Variants in RASSF3 observed in about 807,000 individuals in gnomAD.
RASSF3 encodes Ras association domain family member 3.
RASSF3 carries 19 observed loss-of-function variants against 19.9 expected under a neutral mutation model. That is an observed-to-expected ratio of 0.96 (90% CI 0.67 to 1.40). The LOEUF (loss-of-function observed/expected upper bound fraction) is 1.40, where lower values mean the gene tolerates loss of function less well. RASSF3 is among the 40% of genes most tolerant of loss of function. RASSF3 has a pLI of 0.00. For missense variants in RASSF3, 306 were observed against 289.8 expected, an observed-to-expected ratio of 1.06 and a Z score of -0.41; for synonymous variants, 110 against 104.2, an observed-to-expected ratio of 1.06 and a Z score of -0.34.
chr12:64,610,675 T>TTCTTCTTCACCGCCAGGACC lies in RASSF3; in HGVS notation c.46_65dup (p.Phe23SerfsTer48). The TTCTTCTTCACCGCCAGGACC allele has an allele frequency of 6.3e-7, 1 of 1,592,932 alleles. No individual in the cohort carries two copies. The highest frequency in any genetic ancestry group is 8.5e-7 in the Non-Finnish European group (1 of 1,171,900). ...CAGCCTGGAGGAGGACGCCGAGGAC[T>TTCTTCTTCACCGCCAGGACC]TCTTCTTCACCGCCAGGACCTCCTT... On this transcript the variant is annotated frameshift_variant, in exon 1 of 5. Transcript: ENST00000542104. LOFTEE classifies it high-confidence loss of function.
At chr12:64,531,391 C>G (rs1406850569), upstream of RASSF3, among the ~76,000 whole-genome samples, 1 of 152,112 alleles carries the variant, frequency 6.6e-6, no homozygotes, top group Admixed American at 6.6e-5. Flanking sequence ...TCTGAACTCT[C>G]TAGTCTACCT....
intron 1 of RASSF3, among the ~76,000 whole-genome samples, chr12:64,668,646 G>T (rs1872600497): frequency 6.6e-6 from 1 of 151,860 alleles, no homozygotes; most frequent in South Asian, 2.1e-4. Flanking sequence ...GCTTTCAGCA[G>T]GGTGGGACTT....
intron 1 of RASSF3, among the ~76,000 whole-genome samples, chr12:64,634,710 G>A (rs1285329234): frequency 2.8e-5 from 4 of 144,352 alleles, no homozygotes; most frequent in Admixed American, 7.3e-5. Flanking sequence ...ACAGTGAGCC[G>A]AGATGGCACC....
At chr12:64,519,639 T>C (rs761061409) in intron 1 of RASSF3, among the ~76,000 whole-genome samples, 14 of 152,224 alleles carry the variant, frequency 9.2e-5, no homozygotes, top group Non-Finnish European at 1.5e-4. Context: ...TGAATATATA[T>C]ATATACATAC....
chr12:64,619,900 A>G (rs1156540814), intron 1 of RASSF3, among the ~76,000 whole-genome samples: 1 of 151,708 alleles, frequency 6.6e-6, no homozygotes, highest in Non-Finnish European at 1.5e-5. Flanking sequence ...GAATCGCTTG[A>G]ACCTGGGAGG....
chr12:64,634,406 A>G (rs1871261803), intron 1 of RASSF3, among the ~76,000 whole-genome samples: 1 of 151,648 alleles, frequency 6.6e-6, no homozygotes, highest in South Asian at 2.1e-4. Context: ...TCCTGAGCTC[A>G]AGTGATCCTC....
rs182857338 is a variant in RASSF3, at chr12:64,596,439, C to T, written c.294+54734C>T. Among the ~76,000 whole-genome samples, 3 of 152,290 alleles carry T rather than the reference C, an allele frequency of 2.0e-5. No individual in the cohort carries two copies. In the East Asian group the frequency reaches 5.8e-4, roughly 29 times the overall value. ...TTGTGAAGAAAAGAGGTTTATTTGGCTCACAGTTCTGCAGGCTGTACAAGC... is the reference window on the plus strand; with the variant it reads ...TTGTGAAGAAAAGAGGTTTATTTGGTTCACAGTTCTGCAGGCTGTACAAGC... On this transcript the variant is annotated intron_variant, in intron 2 of 5. Transcript: ENST00000637125.
intron 2 of RASSF3, among the ~76,000 whole-genome samples, chr12:64,553,290 A>G (rs1869196549): frequency 6.6e-6 from 1 of 152,238 alleles, no homozygotes; most frequent in Admixed American, 6.5e-5. Flanking sequence ...CAGTTTAAAT[A>G]GGAAGCAAAC....
chr12:64,677,245 T>TC (rs1872941386), intron 1 of RASSF3, among the ~76,000 whole-genome samples: 1 of 152,248 alleles, frequency 6.6e-6, no homozygotes, highest in Non-Finnish European at 1.5e-5. Context: ...ATGTTGCTCC[T>TC]GGCTGCTCTG....
intron 2 of RASSF3, among the ~76,000 whole-genome samples, chr12:64,571,205 C>G (rs1021873643): frequency 1.6e-4 from 24 of 152,004 alleles, no homozygotes; most frequent in African/African-American, 5.5e-4. Flanking sequence ...GAGCAAAACT[C>G]CATCTCAAAA....
chr12:64,631,559 GTA>G, intron 1 of RASSF3, among the ~76,000 whole-genome samples: 1 of 151,834 alleles, frequency 6.6e-6, no homozygotes, highest in South Asian at 2.1e-4. Context: ...ATGTATGTAT[GTA>G]TGTATGTATG....
intron 4 of RASSF3, among the ~76,000 whole-genome samples, chr12:64,692,082 T>C (rs753924520): frequency 5.9e-5 from 9 of 152,176 alleles, no homozygotes; most frequent in Non-Finnish European, 1.3e-4. Context: ...GATTAAGAAA[T>C]TATGTTTCCA....
At chr12:64,656,319 G>C (rs1381341158) in intron 1 of RASSF3, among the ~76,000 whole-genome samples, 1 of 152,134 alleles carries the variant, frequency 6.6e-6, no homozygotes, top group Non-Finnish European at 1.5e-5. Flanking sequence ...ATGGGGCTGT[G>C]ACTACTAGTG....
At chr12:64,558,429 T>G (rs978208826) in intron 2 of RASSF3, among the ~76,000 whole-genome samples, 1 of 152,184 alleles carries the variant, frequency 6.6e-6, no homozygotes, top group Non-Finnish European at 1.5e-5. Flanking sequence ...TGGCCATTCC[T>G]ATATGTCCAG....
chr12:64,586,847 C>T (rs575053413), intron 2 of RASSF3, among the ~76,000 whole-genome samples: 3 of 150,982 alleles, frequency 2.0e-5, no homozygotes, highest in East Asian at 2.0e-4. Flanking sequence ...CGCTTGAACA[C>T]GGGAGGTGGA....
At chr12:64,576,585 C>G (rs995216941) in intron 2 of RASSF3, among the ~76,000 whole-genome samples, 5 of 152,086 alleles carry the variant, frequency 3.3e-5, no homozygotes, top group Non-Finnish European at 7.4e-5. Context: ...AATCTGGCCA[C>G]CTGTTTTTGT....
intron 1 of RASSF3, among the ~76,000 whole-genome samples, chr12:64,657,421 A>G (rs1299653949): frequency 2.6e-5 from 4 of 152,242 alleles, no homozygotes; most frequent in Admixed American, 2.6e-4. Context: ...AATGATTCAA[A>G]TGGTAAATTT....
At chr12:64,544,193 C>T (rs903289750), downstream of RASSF3, among the ~76,000 whole-genome samples, 9 of 152,042 alleles carry the variant, frequency 5.9e-5, no homozygotes, top group South Asian at 2.1e-4. Flanking sequence ...ACGCTCATCG[C>T]GAAGGTCTGC....
downstream of RASSF3, among the ~76,000 whole-genome samples, chr12:64,545,234 C>T (rs1024852746): frequency 6.6e-6 from 1 of 152,142 alleles, no homozygotes; most frequent in Non-Finnish European, 1.5e-5. Flanking sequence ...GTATTATGAG[C>T]AGCTCTAGGG....
Sources: allele counts gnomAD v4.1 joint callset (sites outside exome capture counted in the v4.1 genomes callset), GRCh38; gene constraint gnomAD v4.1.1; transcripts MANE v1.5; gene names NCBI Gene and HGNC (gene_info 2026-07-23, HGNC 2026-07-21).